Variants in MYH2 observed in about 807,000 individuals in gnomAD.
The protein encoded by MYH2 is myosin heavy chain 2, also known as myosin-2.
In MYH2, 139 loss-of-function variants were observed where a neutral mutation model predicts 228.1. The ratio of observed to expected loss-of-function variants is 0.61; its 90% CI spans 0.53 to 0.70. The LOEUF (loss-of-function observed/expected upper bound fraction) is 0.70. Among genes scored for constraint, MYH2 ranks in the 30% least tolerant of loss-of-function variants. MYH2 has a pLI of 0.00. For missense variants in MYH2, 1,809 were observed against 2,357.5 expected, an observed-to-expected ratio of 0.77 and a Z score of 4.82; for synonymous variants, 796 against 871.1, an observed-to-expected ratio of 0.91 and a Z score of 1.52.
chr17:10,526,537 T>G (rs1181829074), intron 30 of MYH2, 62 bp downstream of exon 30: 4 of 1,604,600 alleles, frequency 2.5e-6, no homozygotes, highest in Middle Eastern at 1.7e-4. Flanking sequence ...TCTTCAAAGG[T>G]CATGTCTTTC....
In MYH2 at chr17:10,543,815, A is replaced by G. The variant is rs1483998344; in HGVS notation, c.649-12T>C. On this transcript the variant is annotated splice_polypyrimidine_tract_variant and intron_variant, in intron 7 of 39. Coordinates refer to ENST00000245503, the MANE Select transcript of MYH2 (RefSeq NM_017534.6). Reference sequence around the variant, plus strand: ...TCTTCCAGAGTCCCCTGCAAAGGCAAGAGCAGTCCTTGCATCTGGGGCTTG... The same window carrying G: ...TCTTCCAGAGTCCCCTGCAAAGGCAGGAGCAGTCCTTGCATCTGGGGCTTG... 4 of 1,614,084 alleles carry G rather than the reference A, an allele frequency of 2.5e-6. No individual in the cohort carries two copies. The Admixed American group carries it at 6.7e-5, about 27-fold the overall frequency.
intron 16 of MYH2, among the ~76,000 whole-genome samples, chr17:10,536,908 G>A (rs989942124): frequency 6.6e-6 from 1 of 152,194 alleles, no homozygotes; most frequent in African/African-American, 2.4e-5. Context: ...AGAGGTGGAA[G>A]TTTGTCACTC....
Position 10,524,758 on chromosome 17 carries a change from T to C in MYH2, c.4970A>G (p.Lys1657Arg). 1 of 1,614,198 alleles carries C rather than the reference T, an allele frequency of 6.2e-7. No homozygotes were observed. Among genetic ancestry groups the C allele is most frequent in the Non-Finnish European group, 8.5e-7 (1 of 1,180,038 alleles). ...GGACCATCTCTTGGACATATTTACC[T>C]TGAGGATGCCTTGGGTGTTCCTGTA... Reference protein sequence around the residue: ...RNYRNTQGILKDTQIHLDDAL... With the variant: ...RNYRNTQGILRDTQIHLDDAL... The change falls in exon 34 of 40, where the codon AAG becomes AGG. Residue 1657 changes from lysine (K) to arginine (R), a missense_variant and splice_region_variant. By Grantham distance (26) the Lys-to-Arg change is conservative. Around this residue, in one of 9 missense-constraint regions of MYH2, gnomAD observed 75 missense variants for 131.2 expected, o/e 0.57. Coordinates refer to ENST00000245503, the MANE Select transcript of MYH2 (RefSeq NM_017534.6). This position sits in a 1 kb window ranked among gnomAD's most constrained non-coding sequence, Gnocchi z 4.7.
intron 22 of MYH2, among the ~76,000 whole-genome samples, chr17:10,530,318 T>C (rs2073410266): frequency 6.6e-6 from 1 of 152,226 alleles, no homozygotes; most frequent in Non-Finnish European, 1.5e-5. Flanking sequence ...GAAAACCTAT[T>C]TCCCAAAAGC....
At chr17:10,543,589 G>A (rs2073586527) in intron 8 of MYH2, 122 bp downstream of exon 8, 4 of 1,430,730 alleles carry the variant, frequency 2.8e-6, no homozygotes, top group Non-Finnish European at 3.9e-6. Context: ...CATGCTCAGA[G>A]GAAAAGGAAA....
Position 10,533,587 on chromosome 17 carries a change from A to G in MYH2, c.2226T>C (p.Ile742=), listed in dbSNP as rs769827862. The part of the protein sequence containing the change: ...NASAIPEGQF[I]DSKKASEKLL... ...GCTTCTCAGAGGCCTTCTTGCTATCAATGAATTGCCCTTCAGGGATTGCAC... is the reference window on the plus strand; with the variant it reads ...GCTTCTCAGAGGCCTTCTTGCTATCGATGAATTGCCCTTCAGGGATTGCAC... Residue 742 remains isoleucine (I), a synonymous_variant, in exon 20 of 40, where the codon ATT becomes ATC. Transcript: ENST00000245503. 2.5e-6 allele frequency: 4 copies of G among 1,614,066 alleles called. No homozygotes were observed.
In MYH2 at chr17:10,533,374, A is replaced by T; in HGVS notation, c.2352T>A (p.Asp784Glu). Residue 784 changes from aspartate to glutamate, a missense_variant, in exon 21 of 40, where the codon GAT (aspartate) becomes GAA (glutamate). Asp to Glu is a conservative substitution (Grantham distance 45). Around this residue, in one of 9 missense-constraint regions of MYH2, gnomAD observed 276 missense variants for 344.2 expected, o/e 0.80. Transcript: ENST00000245503. ...GGGTAATCAGCTGGGCCAGCTTGTCATCTCGCATCTCCTCTAGGAGCCCCA... is the reference window on the plus strand; with the variant it reads ...GGGTAATCAGCTGGGCCAGCTTGTCTTCTCGCATCTCCTCTAGGAGCCCCA... ...GLLGLLEEMR[D>E]DKLAQLITRT... 1.2e-6 allele frequency: 2 copies of T among 1,614,166 alleles called. No homozygotes were observed. Among genetic ancestry groups the T allele is most frequent in the Non-Finnish European group, 1.7e-6 (2 of 1,180,020 alleles).
chr17:10,527,021 G>T lies in MYH2; in HGVS notation c.3907C>A (p.Leu1303Met), dbSNP rs2073364295. The T allele has an allele frequency of 6.2e-7, 1 of 1,614,032 alleles. No homozygotes were observed. The highest frequency in any genetic ancestry group is 8.5e-7 in the Non-Finnish European group (1 of 1,180,046). The change falls in exon 29 of 40, where the codon CTG becomes ATG. Residue 1303 changes from leucine (L) to methionine (M), a missense_variant. By Grantham distance (15) the Leu-to-Met change is conservative (BLOSUM62 2). This residue lies in a region of MYH2 where 636 missense variants were observed against 729.9 expected (regional missense o/e 0.87). Transcript: ENST00000245503. ...FSRQLDEKEA[L>M]VSQLSRGKQA... ...TTGCCTCTTGATAACTGAGACACCA[G>T]AGCTTCCTTTTCATCAAGCTGGCGT... is the stretch of plus-strand genomic sequence containing the variant.
chr17:10,534,342 A>G (rs1187619553), intron 19 of MYH2, among the ~76,000 whole-genome samples: 2 of 152,240 alleles, frequency 1.3e-5, no homozygotes, highest in Non-Finnish European at 2.9e-5. Flanking sequence ...GTTTGTATGG[A>G]AGAGTTTCTA....
intron 22 of MYH2, among the ~76,000 whole-genome samples, chr17:10,530,369 G>A (rs972341911): frequency 7.2e-5 from 11 of 152,220 alleles, no homozygotes; most frequent in African/African-American, 2.4e-4. Context: ...TAACAGATCA[G>A]AGAAGTTGGA....
At chr17:10,534,973 A>C (rs2073466205) in intron 19 of MYH2, 100 bp downstream of exon 19, 1 of 1,373,294 alleles carries the variant, frequency 7.3e-7, no homozygotes. Flanking sequence ...TTTTGTGACA[A>C]AACTAACAAG....
At chr17:10,542,273 CAACAAACAAACA>C (rs71365774) in intron 10 of MYH2, among the ~76,000 whole-genome samples, 3 of 150,916 alleles carry the variant, frequency 2.0e-5, no homozygotes, top group African/African-American at 4.9e-5. Context: ...GACTCCATCT[CAACAAACAAACA>C]AACAAACAAA....
At chr17:10,546,502 G>C (rs2073635684) in intron 4 of MYH2, among the ~76,000 whole-genome samples, 1 of 151,846 alleles carries the variant, frequency 6.6e-6, no homozygotes, top group Non-Finnish European at 1.5e-5. Flanking sequence ...ATTATGTGCA[G>C]ACCTTTACCA....
At chr17:10,533,728 A>G in intron 19 of MYH2, 96 bp from the exon 20 acceptor site, 2 of 1,474,822 alleles carry the variant, frequency 1.4e-6, no homozygotes, top group East Asian at 4.6e-5. Context: ...AGAGCTTTAA[A>G]AAAATATTAT....
rs1382974531 is a variant in MYH2 at position 10,523,845 on chromosome 17, C to G, written c.5215G>C (p.Asp1739His). 6.2e-7 allele frequency: 1 copy of G among 1,613,966 alleles called. No individual in the cohort carries two copies. The highest frequency in any genetic ancestry group is 8.5e-7 in the Non-Finnish European group (1 of 1,179,888). Residue 1739 changes from aspartate to histidine, a missense_variant, in exon 36 of 40, where the codon GAT (aspartate) becomes CAT (histidine). By Grantham distance (81) the Asp-to-His change is moderately conservative. Transcript: ENST00000245503. ...ATCTCTCCTTGCATTTGGGAAATAT[C>G]TGTCTCCAGCTTCTTCTTGGTGTTG... ...LINTKKKLETDISQMQGEMED... is the reference protein window; with the variant it reads ...LINTKKKLETHISQMQGEMED...
At chr17:10,527,670 C>G in intron 28 of MYH2, 78 bp downstream of exon 28, 1 of 1,605,398 alleles carries the variant, frequency 6.2e-7, no homozygotes. Context: ...TTATTAGGCT[C>G]CCACTTCACC....
intron 10 of MYH2, among the ~76,000 whole-genome samples, chr17:10,542,140 G>A (rs1028384242): frequency 6.6e-6 from 1 of 152,180 alleles, no homozygotes; most frequent in Admixed American, 6.5e-5. Flanking sequence ...AGGCATGGTG[G>A]CGCATGCCTG....
At position 10,523,159 on chromosome 17, in the gene MYH2, G is replaced by A; in HGVS notation, c.5604C>T (p.Leu1868=). 1 of 1,613,858 alleles carries A rather than the reference G, an allele frequency of 6.2e-7. No individual in the cohort carries two copies. The highest frequency in any genetic ancestry group is 1.1e-5 in the South Asian group (1 of 91,066). The change falls in exon 39 of 40, where the codon CTC becomes CTT. Residue 1868 remains leucine (L), a synonymous_variant. Transcript: ENST00000245503. ...GTTTATCTACCAAATCTTGAAGCCT[G>A]AGAATATTCTTTCTATCTTCTTCCG... is the stretch of plus-strand genomic sequence containing the variant. The part of the protein sequence containing the change: ...YQTEEDRKNI[L]RLQDLVDKLQ...
Position 10,537,976 on chromosome 17 carries a change from A to G in MYH2, c.1417-141T>C, listed in dbSNP as rs1567734064. 2 of 1,454,042 alleles carry G rather than the reference A, an allele frequency of 1.4e-6. No homozygotes were observed. The highest frequency in any genetic ancestry group is 1.9e-6 in the Non-Finnish European group (2 of 1,076,828). 90.1% of individuals were successfully genotyped at this position (1,454,042 alleles called of 1,614,324 possible). On this transcript the variant is annotated intron_variant, in intron 14 of 39. Transcript: ENST00000245503. This position sits in a 1 kb window ranked among gnomAD's most constrained non-coding sequence, Gnocchi z 4.0. ...ATCACTGGGTTAAAGAGACTTTGAA[A>G]TAAAAGGTGAAAAGTATGGAAGGTT...
Sources: allele counts gnomAD v4.1 joint callset (sites outside exome capture counted in the v4.1 genomes callset), GRCh38; gene constraint gnomAD v4.1.1; regional missense constraint gnomAD v4.1.1; non-coding constraint Gnocchi (gnomAD v3.1); transcripts MANE v1.5; gene names NCBI Gene and HGNC (gene_info 2026-07-23, HGNC 2026-07-21).